The following FAM135B variants were observed in gnomAD, a reference collection of about 807,000 sequenced individuals.
FAM135B encodes the protein family with sequence similarity 135 member B.
Under a neutral mutation model 127.7 loss-of-function variants are expected in FAM135B, and 43 were observed. The observed-to-expected ratio is 0.34, with a 90% CI of 0.26 to 0.43. The LOEUF is 0.43. FAM135B is among the 20% of genes least tolerant of loss of function. FAM135B has a pLI of 1.00. For synonymous variants in FAM135B, 670 were observed against 665.1 expected (o/e 1.01, Z -0.11); for missense variants, 1,558 against 1,725.6 (o/e 0.90, Z 1.72).
intron 1 of FAM135B, among the ~76,000 whole-genome samples, chr8:138,411,653 A>C (rs1833874050): frequency 6.6e-6 from 1 of 152,138 alleles, no homozygotes; most frequent in Admixed American, 6.5e-5. Flanking sequence ...AATTAAACTA[A>C]AAAGCTTCTG....
intron 3 of FAM135B, among the ~76,000 whole-genome samples, chr8:138,298,584 C>G (rs1301575112): frequency 6.6e-6 from 1 of 152,076 alleles, no homozygotes; most frequent in Non-Finnish European, 1.5e-5. Flanking sequence ...AGGAACCCAG[C>G]AATGAGATGA....
chr8:138,168,164 T>C (rs1820117422), intron 11 of FAM135B, 115 bp from the exon 12 acceptor site: 2 of 1,204,478 alleles, frequency 1.7e-6, no homozygotes, highest in Non-Finnish European at 2.3e-6. Context: ...CTGGCAATTG[T>C]CTGCCCATCA....
At chr8:138,478,911 A>C (rs1387857021) in intron 1 of FAM135B, among the ~76,000 whole-genome samples, 1 of 152,204 alleles carries the variant, frequency 6.6e-6, no homozygotes, top group Non-Finnish European at 1.5e-5. Context: ...CTGCAGGTTA[A>C]GGGCTCAGAC....
At chr8:138,405,827 C>A (rs924193869) in intron 1 of FAM135B, among the ~76,000 whole-genome samples, 1 of 151,844 alleles carries the variant, frequency 6.6e-6, no homozygotes, top group Non-Finnish European at 1.5e-5. Flanking sequence ...TACAGTCCCA[C>A]CAACAGTGTA....
intron 9 of FAM135B, among the ~76,000 whole-genome samples, chr8:138,187,342 A>G (rs1228510536): frequency 2.6e-5 from 4 of 152,152 alleles, no homozygotes; most frequent in Non-Finnish European, 5.9e-5. Flanking sequence ...TCCCTTTTTC[A>G]TGCCTTTCCC....
Position 138,241,824 on chromosome 8 carries a change from G to T in FAM135B, c.669+1118C>A, listed in dbSNP as rs116845287. Among the ~76,000 whole-genome samples, 161 of 152,296 alleles carry T rather than the reference G, an allele frequency of 1.1e-3. No individual in the cohort carries two copies. The highest frequency in any genetic ancestry group is 4.4e-4 in the Non-Finnish European group (30 of 68,034). ...CATTATTCTAGGTAAGCCTGTGAGG[G>T]TATGTCTGGATGAACTGGTCAATTG... On this transcript the variant is annotated intron_variant, in intron 7 of 19. Transcript: ENST00000395297. This position sits in a 1 kb window ranked among gnomAD's most constrained non-coding sequence, Gnocchi z 4.8.
At chr8:138,162,720 C>T (rs1333790804) in intron 12 of FAM135B, among the ~76,000 whole-genome samples, 2 of 152,180 alleles carry the variant, frequency 1.3e-5, no homozygotes, top group Non-Finnish European at 2.9e-5. Context: ...GCACAGGGAG[C>T]AGCATGGGCA....
In FAM135B at chr8:138,468,483, ACTTT is replaced by A. The variant is rs201589224; in HGVS notation, c.-20+28184_-20+28187del. ...TCATTATGAGTTTATCACTTGATAA[ACTTT>A]CTTTATTTGCCACCCATCACTCTTC... On this transcript the variant is annotated intron_variant, in intron 1 of 19. Transcript: ENST00000395297. Among the ~76,000 whole-genome samples, 1,437 of 152,134 alleles carry A rather than the reference ACTTT, an allele frequency of 9.4e-3. 6 individuals are homozygous for A. Among genetic ancestry groups the A allele is most frequent in the Non-Finnish European group, 0.013 (871 of 67,982 alleles).
intron 5 of FAM135B, among the ~76,000 whole-genome samples, chr8:138,253,189 T>G (rs1410219118): frequency 6.6e-6 from 1 of 152,170 alleles, no homozygotes; most frequent in Non-Finnish European, 1.5e-5. Context: ...TGAGGGCAGA[T>G]GCACAGGGAT....
chr8:138,385,676 G>T (rs1179041330), intron 1 of FAM135B, among the ~76,000 whole-genome samples: 1 of 152,048 alleles, frequency 6.6e-6, no homozygotes, highest in East Asian at 1.9e-4. Context: ...GCCAGGCATG[G>T]TGGTGGGTGC....
At chr8:138,419,943 A>C (rs909741838) in intron 1 of FAM135B, among the ~76,000 whole-genome samples, 1 of 152,194 alleles carries the variant, frequency 6.6e-6, no homozygotes, top group Non-Finnish European at 1.5e-5. Context: ...CCAGAAAAAC[A>C]AGAGCAAATG....
intron 1 of FAM135B, chr8:138,450,393 A>T (rs2131584714): frequency 6.6e-6 from 1 of 152,332 alleles, no homozygotes; most frequent in Non-Finnish European, 1.5e-5. Context: ...TGCCTGTAAG[A>T]GTATGCTTAG....
intron 3 of FAM135B, among the ~76,000 whole-genome samples, chr8:138,268,699 A>C (rs999440061): frequency 2.6e-5 from 4 of 152,186 alleles, no homozygotes; most frequent in Admixed American, 2.0e-4. Context: ...CAGAGACAGC[A>C]AAAGTACATA....
chr8:138,142,955 C>T (rs2130621731), intron 16 of FAM135B, 57 bp downstream of exon 16: 1 of 879,194 alleles, frequency 1.1e-6, no homozygotes, highest in Non-Finnish European at 1.9e-6. Context: ...ATACAGCAAA[C>T]ACTCAAAAAT....
At chr8:138,445,220 A>C (rs1256293075) in intron 1 of FAM135B, among the ~76,000 whole-genome samples, 2 of 152,222 alleles carry the variant, frequency 1.3e-5, no homozygotes, top group Non-Finnish European at 1.5e-5. Context: ...ATTCTACCAG[A>C]GGTACAAGAA....
intron 9 of FAM135B, among the ~76,000 whole-genome samples, chr8:138,193,722 G>C (rs1816352378): frequency 6.6e-6 from 1 of 152,184 alleles, no homozygotes; most frequent in South Asian, 2.1e-4. Flanking sequence ...TCTCACCAGA[G>C]AAGAGCAGAC....
chr8:138,403,675 G>A (rs1284709340), intron 1 of FAM135B, among the ~76,000 whole-genome samples: 7 of 152,140 alleles, frequency 4.6e-5, no homozygotes, highest in Non-Finnish European at 1.0e-4. Context: ...GCTCTAGGCA[G>A]AGCAACCCTG....
rs144608086 is a variant in FAM135B, at chr8:138,243,931, A to T, written c.543-863T>A. On this transcript the variant is annotated intron_variant, in intron 6 of 19. Coordinates refer to ENST00000395297, the MANE Select transcript of FAM135B (RefSeq NM_015912.4). This position sits in a 1 kb window ranked among gnomAD's most constrained non-coding sequence, Gnocchi z 7.5. ...TGTTTTAGTCCCTCAGTAAAATTTA[A>T]AGTCTCTGATGGCAAAGAGGGTCTT... Among the ~76,000 whole-genome samples the T allele has an allele frequency of 2.0e-3, 297 of 152,236 alleles. No individual in the cohort carries two copies. The highest frequency in any genetic ancestry group is 6.7e-3 in the African/African-American group (280 of 41,572).
chr8:138,219,501 G>A (rs555453349), intron 7 of FAM135B, among the ~76,000 whole-genome samples: 120 of 152,294 alleles, frequency 7.9e-4, no homozygotes, highest in African/African-American at 2.6e-3. Context: ...AAGGCCACTC[G>A]GCAATCACCC....
Sources: gnomAD v4.1 joint callset for allele counts (sites outside exome capture counted in the v4.1 genomes callset) on GRCh38, gnomAD v4.1.1 for gene constraint, Gnocchi (gnomAD v3.1) non-coding constraint, MANE v1.5 for transcripts, NCBI Gene and HGNC (gene_info 2026-07-23, HGNC 2026-07-21) for gene names.